The following CPNE4 variants were observed in gnomAD, a reference collection of about 807,000 sequenced individuals.
The protein encoded by CPNE4 is copine 4, also known as copine-4.
A neutral mutation model predicts 67.9 loss-of-function variants in CPNE4; 25 were observed. The ratio of observed to expected loss-of-function variants is 0.37; its 90% confidence interval spans 0.27 to 0.51. The LOEUF (loss-of-function observed/expected upper bound fraction) is 0.51, where lower values mean the gene tolerates loss of function less well. CPNE4 is among the 20% of genes least tolerant of loss of function. The pLI is 0.93. For synonymous variants in CPNE4, 242 were observed against 244.9 expected (o/e 0.99, Z 0.11); for missense variants, 464 against 690.8 (o/e 0.67, Z 3.68).
At chr3:131,869,795 T>C (rs929192432) in intron 2 of CPNE4, among the ~76,000 whole-genome samples, 3 of 152,352 alleles carry the variant, frequency 2.0e-5, no homozygotes, top group Non-Finnish European at 2.9e-5. Flanking sequence ...TAATCATTCA[T>C]ACATATTTTC....
chr3:131,996,237 G>A (rs1031523711), intron 1 of CPNE4, among the ~76,000 whole-genome samples: 1 of 152,142 alleles, frequency 6.6e-6, no homozygotes, highest in Non-Finnish European at 1.5e-5. Flanking sequence ...CTCCATGAGA[G>A]CAAAAGGTTG....
intron 1 of CPNE4, among the ~76,000 whole-genome samples, chr3:131,969,632 TACCA>T (rs1199047902): frequency 6.6e-6 from 1 of 152,050 alleles, no homozygotes; most frequent in African/African-American, 2.4e-5. Flanking sequence ...CTCGGTAACT[TACCA>T]ACCATCTTGG....
chr3:131,548,451 A>G (rs760147639), intron 14 of CPNE4, among the ~76,000 whole-genome samples: 1 of 152,068 alleles, frequency 6.6e-6, no homozygotes, highest in African/African-American at 2.4e-5. Context: ...GATGGGTACT[A>G]AGAAGAAAAG....
At chr3:131,661,589 G>A (rs1320270734) in intron 7 of CPNE4, among the ~76,000 whole-genome samples, 2 of 152,072 alleles carry the variant, frequency 1.3e-5, no homozygotes, top group Non-Finnish European at 2.9e-5. Context: ...ATCCAATATA[G>A]AGACACCTCC....
At chr3:131,703,724 AT>A (rs143546240) in intron 3 of CPNE4, among the ~76,000 whole-genome samples, 12,107 of 152,022 alleles carry the variant, frequency 0.08, 657 homozygotes, top group Non-Finnish European at 0.11. Flanking sequence ...TATTTTCAGA[AT>A]TTTTTTTATA....
intron 1 of CPNE4, among the ~76,000 whole-genome samples, chr3:131,917,271 T>C (rs2107801240): frequency 1.3e-5 from 2 of 152,320 alleles, no homozygotes; most frequent in Admixed American, 6.5e-5. Flanking sequence ...ATAAGCTTTG[T>C]GGTAAATGAC....
At chr3:131,875,158 A>G (rs941928591) in intron 2 of CPNE4, among the ~76,000 whole-genome samples, 3 of 152,212 alleles carry the variant, frequency 2.0e-5, no homozygotes, top group African/African-American at 4.8e-5. Context: ...TCTGAAATCC[A>G]TGAGTTTTCT....
chr3:131,595,267 C>A (rs575130593), intron 7 of CPNE4, among the ~76,000 whole-genome samples: 1 of 152,334 alleles, frequency 6.6e-6, no homozygotes, highest in Non-Finnish European at 1.5e-5. Context: ...TCTGCACTCT[C>A]AGGTTCATTG....
rs141989806 is a variant in CPNE4 at position 131,921,700 on chromosome 3, G to A, written c.-1-16256C>T. 3.5e-4 allele frequency among the ~76,000 whole-genome samples: 53 copies of A among 152,276 alleles called. No homozygotes were observed. In the East Asian group the frequency reaches 9.5e-3, roughly 27 times the overall value. ...ACCTTAGCACTGTTGTGAGGATTCA[G>A]TGAGCAACAATGCAGATATAGAGCA... is the stretch of plus-strand genomic sequence containing the variant. On this transcript the variant is annotated intron_variant, in intron 1 of 15. Transcript: ENST00000429747.
At chr3:131,935,122 A>G (rs145887969) in intron 1 of CPNE4, among the ~76,000 whole-genome samples, 1 of 152,304 alleles carries the variant, frequency 6.6e-6, no homozygotes, top group African/African-American at 2.4e-5. Flanking sequence ...TTATGAATTG[A>G]CAATGATACC....
At chr3:131,696,354 C>T (rs892826121) in intron 5 of CPNE4, among the ~76,000 whole-genome samples, 188 bp downstream of exon 5, 2 of 152,340 alleles carry the variant, frequency 1.3e-5, no homozygotes, top group African/African-American at 4.8e-5. Flanking sequence ...GTTTTAATTA[C>T]AGTCCCTTCC....
At chr3:131,830,426 T>C (rs1345055986) in intron 2 of CPNE4, among the ~76,000 whole-genome samples, 2 of 152,102 alleles carry the variant, frequency 1.3e-5, no homozygotes, top group Non-Finnish European at 2.9e-5. Flanking sequence ...TCTATCTCCT[T>C]TCTGACACTT....
At chr3:131,909,884 G>A (rs918825168) in intron 1 of CPNE4, among the ~76,000 whole-genome samples, 2 of 150,632 alleles carry the variant, frequency 1.3e-5, no homozygotes, top group African/African-American at 5.0e-5. Flanking sequence ...CATATAAACT[G>A]GAGGCACATG....
intron 1 of CPNE4, among the ~76,000 whole-genome samples, chr3:131,950,938 C>G (rs1025727068): frequency 5.9e-5 from 9 of 152,170 alleles, no homozygotes; most frequent in African/African-American, 2.2e-4. Context: ...CTGAGCATCT[C>G]ATAGAGGTTT....
At chr3:131,971,448 T>A (rs997805913) in intron 1 of CPNE4, among the ~76,000 whole-genome samples, 3 of 152,188 alleles carry the variant, frequency 2.0e-5, no homozygotes, top group Non-Finnish European at 2.9e-5. Flanking sequence ...CACAATCTCT[T>A]CAACGCTTCT....
intron 2 of CPNE4, among the ~76,000 whole-genome samples, chr3:131,755,036 C>T (rs970744440): frequency 8.6e-5 from 13 of 151,288 alleles, no homozygotes; most frequent in Admixed American, 1.3e-4. Context: ...TTGTGTATGT[C>T]GAAAAGTTGA....
chr3:131,746,210 G>A (rs2082485993), intron 2 of CPNE4, among the ~76,000 whole-genome samples: 1 of 152,062 alleles, frequency 6.6e-6, no homozygotes, highest in South Asian at 2.1e-4. Context: ...CATATATAGT[G>A]TGATAATCAA....
intron 1 of CPNE4, among the ~76,000 whole-genome samples, chr3:132,031,230 A>C (rs2074227417): frequency 1.3e-5 from 2 of 152,196 alleles, no homozygotes; most frequent in African/African-American, 4.8e-5. Context: ...GAATGCATTT[A>C]AATTTTTCTA....
chr3:131,869,735 A>G (rs534319583), intron 2 of CPNE4, among the ~76,000 whole-genome samples: 1 of 152,322 alleles, frequency 6.6e-6, no homozygotes, highest in East Asian at 1.9e-4. Context: ...TGTTCGGAGA[A>G]AAAGAGGAGA....
Sources: allele counts gnomAD v4.1 joint callset (sites outside exome capture counted in the v4.1 genomes callset), GRCh38; gene constraint gnomAD v4.1.1; transcripts MANE v1.5; gene names NCBI Gene and HGNC (gene_info 2026-07-23, HGNC 2026-07-21).